Variants in ARHGEF17 observed in about 807,000 individuals in gnomAD.
ARHGEF17 encodes Rho guanine nucleotide exchange factor 17, also known as 164 kDa Rho-specific guanine-nucleotide exchange factor.
A neutral mutation model predicts 174.0 loss-of-function variants in ARHGEF17; 80 were observed. The ratio of observed to expected loss-of-function variants is 0.46; its 90% confidence interval spans 0.38 to 0.55. The LOEUF (loss-of-function observed/expected upper bound fraction) is 0.55, where lower values mean the gene tolerates loss of function less well. Among genes scored for constraint, ARHGEF17 ranks in the 20% least tolerant of loss-of-function variants. ARHGEF17 has a pLI of 0.00. For synonymous variants in ARHGEF17, 1,311 were observed against 1,189.1 expected (o/e 1.10, Z -2.11); for missense variants, 2,886 against 2,839.7 (o/e 1.02, Z -0.37).
In ARHGEF17 at chr11:73,311,573, G is replaced by A. The variant is rs769016879; in HGVS notation, c.2935G>A (p.Gly979Ser). 4 of 1,613,494 alleles carry A rather than the reference G, an allele frequency of 2.5e-6. No individual in the cohort carries two copies. The African/African-American group carries it at 4.0e-5, about 16-fold the overall frequency. ...GGTGCCTGAGCCACCAACTTCTGTT[G>A]GTCCCCCTGTGGCTGTGCCAGAACC... ...IVVPEPPTSV[G>S]PPVAVPEPIG... is the part of the protein sequence containing the mutation. The change falls in exon 1 of 21, where the codon GGT becomes AGT. Residue 979 changes from glycine (G) to serine (S), a missense_variant. Transcript: ENST00000263674.
chr11:73,320,199 T>C (rs953497320), intron 1 of ARHGEF17, among the ~76,000 whole-genome samples: 1 of 151,978 alleles, frequency 6.6e-6, no homozygotes, highest in Admixed American at 6.6e-5. Flanking sequence ...GGAGGTGGCA[T>C]GTGGAGGGTA....
intron 1 of ARHGEF17, among the ~76,000 whole-genome samples, chr11:73,323,880 G>A (rs1865059058): frequency 6.6e-6 from 1 of 152,236 alleles, no homozygotes; most frequent in African/African-American, 2.4e-5. Flanking sequence ...CTGGGCATCT[G>A]TGTCTTTGTT....
chr11:73,328,595 C>T (rs554342787), intron 1 of ARHGEF17, among the ~76,000 whole-genome samples: 260 of 152,308 alleles, frequency 1.7e-3, no homozygotes, highest in Non-Finnish European at 2.5e-3. Context: ...GTGATTTGGG[C>T]AGGGAGGGCT....
Position 73,359,742 on chromosome 11 carries a change from G to A in ARHGEF17, c.4088-92G>A. On this transcript the variant is annotated intron_variant, in intron 9 of 20. Transcript: ENST00000263674. ...GTTTGTCAGGTCTCTCCCCGGCCCA[G>A]CTGCAGGCTATGCAGTGAGGGAAGG... 3.6e-6 allele frequency: 4 copies of A among 1,114,656 alleles called. No homozygotes were observed. In the South Asian group the frequency reaches 6.2e-5, roughly 17 times the overall value. 69.0% of individuals were successfully genotyped at this position (1,114,656 alleles called of 1,614,324 possible). A position where few individuals can be genotyped will look rare whatever the true frequency, so the allele number is the denominator to read the frequency against.
At chr11:73,332,308 C>A (rs1374220006) in intron 1 of ARHGEF17, among the ~76,000 whole-genome samples, 1 of 151,518 alleles carries the variant, frequency 6.6e-6, no homozygotes, top group African/African-American at 2.4e-5. Flanking sequence ...GGCCCCTGCC[C>A]ACTGTTAATG....
chr11:73,364,436 C>T lies in ARHGEF17; in HGVS notation c.5402-16C>T, dbSNP rs1336450114. 1.2e-6 allele frequency: 2 copies of T among 1,613,138 alleles called. No individual in the cohort carries two copies. Among genetic ancestry groups the T allele is most frequent in the South Asian group, 2.2e-5 (2 of 91,068 alleles). Reference sequence around the variant, plus strand: ...AGAACTGGAGTGAATTTCCTGTTTTCTTTACCCCACTCCAGGCCATTTCTG... The same window carrying T: ...AGAACTGGAGTGAATTTCCTGTTTTTTTTACCCCACTCCAGGCCATTTCTG... On this transcript the variant is annotated splice_polypyrimidine_tract_variant and intron_variant, in intron 17 of 20. Coordinates refer to ENST00000263674, the MANE Select transcript of ARHGEF17 (RefSeq NM_014786.4).
At chr11:73,355,109 T>C (rs1865614843) in intron 3 of ARHGEF17, among the ~76,000 whole-genome samples, 1 of 152,166 alleles carries the variant, frequency 6.6e-6, no homozygotes, top group Non-Finnish European at 1.5e-5. Flanking sequence ...AGGGCATTCC[T>C]GGTGGGGGGA....
intron 15 of ARHGEF17, 106 bp downstream of exon 15, chr11:73,363,561 C>T (rs1312962551): frequency 6.6e-7 from 1 of 1,524,166 alleles, no homozygotes; most frequent in South Asian, 1.3e-5. Flanking sequence ...TTGGGTCACA[C>T]CTCAGGGGTA....
chr11:73,353,231 G>A (rs996974472), intron 3 of ARHGEF17: 10 of 614,374 alleles, frequency 1.6e-5, no homozygotes, highest in East Asian at 2.8e-5. Flanking sequence ...ACTCTGGCAC[G>A]GACTCCGACC....
intron 15 of ARHGEF17, 114 bp downstream of exon 15, chr11:73,363,569 G>A: frequency 6.6e-7 from 1 of 1,517,308 alleles, no homozygotes; most frequent in South Asian, 1.3e-5. Context: ...CACCTCAGGG[G>A]TACTGCTGAC....
At chr11:73,360,247 C>T in intron 10 of ARHGEF17, 73 bp from the exon 11 acceptor site, 1 of 1,527,560 alleles carries the variant, frequency 6.5e-7, no homozygotes, top group Non-Finnish European at 9.0e-7. Flanking sequence ...AGAGGCAGGT[C>T]CCCACACATT....
chr11:73,320,244 C>T (rs1313679462), intron 1 of ARHGEF17, among the ~76,000 whole-genome samples: 1 of 152,102 alleles, frequency 6.6e-6, no homozygotes, highest in Non-Finnish European at 1.5e-5. Context: ...TCCCCGCACG[C>T]TGGCTTTCAG....
In ARHGEF17 at chr11:73,311,703, C is replaced by A. The variant is rs776267181; in HGVS notation, c.3065C>A (p.Pro1022Gln). ...CTGCACTCCGGTGAGGTCCCTGCCCCAGTGCCAGTGGACATGCCCTGCTTG... is the reference window on the plus strand; with the variant it reads ...CTGCACTCCGGTGAGGTCCCTGCCCAAGTGCCAGTGGACATGCCCTGCTTG... The part of the protein sequence containing the change: ...LNLHSGEVPA[P>Q]VPVDMPCLPL... Residue 1022 changes from proline (P) to glutamine (Q), a missense_variant, in exon 1 of 21, where the codon CCA becomes CAA. By Grantham distance (76) the Pro-to-Gln change is moderately conservative. This residue lies in a region of ARHGEF17 where 1,728 missense variants were observed against 1,461.2 expected (regional missense o/e 1.18). Transcript: ENST00000263674. The A allele has an allele frequency of 1.9e-6, 3 of 1,613,260 alleles. No homozygotes were observed. The highest frequency in any genetic ancestry group is 1.7e-5 in the Admixed American group (1 of 60,004).
In ARHGEF17 at chr11:73,311,111, A is replaced by G; in HGVS notation, c.2473A>G (p.Lys825Glu). 1 of 1,605,826 alleles carries G rather than the reference A, an allele frequency of 6.2e-7. No homozygotes were observed. The highest frequency in any genetic ancestry group is 8.5e-7 in the Non-Finnish European group (1 of 1,173,636). ...DDRIAGKAPK[K>E]KSLSDPSRRG... is the part of the protein sequence containing the mutation. Reference sequence around the variant, plus strand: ...CAGGATTGCTGGCAAAGCCCCCAAGAAGAAATCCCTGAGTGACCCCAGCCG... The same window carrying G: ...CAGGATTGCTGGCAAAGCCCCCAAGGAGAAATCCCTGAGTGACCCCAGCCG... The change falls in exon 1 of 21, where the codon AAG becomes GAG. Residue 825 changes from lysine (K) to glutamate (E), a missense_variant. Coordinates refer to ENST00000263674, the MANE Select transcript of ARHGEF17 (RefSeq NM_014786.4).
At chr11:73,350,719 A>G (rs559717978) in intron 2 of ARHGEF17, among the ~76,000 whole-genome samples, 2 of 152,164 alleles carry the variant, frequency 1.3e-5, no homozygotes, top group South Asian at 4.1e-4. Context: ...CCTATTTTCA[A>G]CTCTGACACT....
chr11:73,351,105 G>C (rs576274674), intron 2 of ARHGEF17, among the ~76,000 whole-genome samples: 57 of 152,318 alleles, frequency 3.7e-4, no homozygotes, highest in African/African-American at 1.3e-3. Flanking sequence ...GTGGAGCAGC[G>C]GGCCCTGACC....
chr11:73,339,675 G>A (rs1865339921), intron 1 of ARHGEF17, among the ~76,000 whole-genome samples: 1 of 152,210 alleles, frequency 6.6e-6, no homozygotes, highest in African/African-American at 2.4e-5. Flanking sequence ...AGCAGATTGG[G>A]CAGAAGTAGG....
chr11:73,319,382 AC>A (rs1205336868), intron 1 of ARHGEF17, among the ~76,000 whole-genome samples: 1 of 151,922 alleles, frequency 6.6e-6, no homozygotes, highest in African/African-American at 2.4e-5. Context: ...TTCTTTAAGA[AC>A]CCTTGTGATT....
intron 11 of ARHGEF17, among the ~76,000 whole-genome samples, chr11:73,360,772 T>C (rs559526317): frequency 5.3e-5 from 8 of 152,090 alleles, no homozygotes; most frequent in Non-Finnish European, 1.0e-4. Flanking sequence ...TGCCCCATAG[T>C]GGGCACCGAT....
Sources: allele counts gnomAD v4.1 joint callset (sites outside exome capture counted in the v4.1 genomes callset), GRCh38; gene constraint gnomAD v4.1.1; regional missense constraint gnomAD v4.1.1; transcripts MANE v1.5; gene names NCBI Gene and HGNC (gene_info 2026-07-23, HGNC 2026-07-21).